The following MACROD2 variants were observed in gnomAD, a reference collection of about 807,000 sequenced individuals.
MACROD2 encodes the protein mono-ADP ribosylhydrolase 2.
MACROD2 carries 36 observed loss-of-function variants against 70.4 expected under a neutral mutation model. The ratio of observed to expected loss-of-function variants is 0.51; its 90% CI spans 0.39 to 0.68. MACROD2 has a LOEUF of 0.68. Ranked by LOEUF, MACROD2 falls within the 30% of genes least tolerant of loss-of-function variation. The pLI, the probability that MACROD2 is intolerant of heterozygous loss-of-function variation, is 0.00. For synonymous variants in MACROD2, 172 were observed against 178.8 expected (o/e 0.96, Z 0.30); for missense variants, 496 against 538.4 (o/e 0.92, Z 0.78).
chr20:15,148,239 T>C (rs2076244684), intron 5 of MACROD2, among the ~76,000 whole-genome samples: 1 of 151,750 alleles, frequency 6.6e-6, no homozygotes, highest in Non-Finnish European at 1.5e-5. Flanking sequence ...TGGTAAGGGA[T>C]GACATTGTGG....
In MACROD2 at chr20:15,233,983, T is replaced by TATATATATATATA. The variant is rs2076984620; in HGVS notation, c.540+3922_540+3923insATATATATATATA. On this transcript the variant is annotated intron_variant, in intron 6 of 17. Coordinates refer to ENST00000684519, the MANE Select transcript of MACROD2 (RefSeq NM_001351661.2). ...AAAATTTATTTTTATATATATTTAT[T>TATATATATATATA]TATATATATATATATATATATATAT... Among the ~76,000 whole-genome samples the TATATATATATATA allele has an allele frequency of 4.5e-4, 20 of 43,992 alleles. 1 individual carries two copies. The highest frequency in any genetic ancestry group is 1.6e-3 in the African/African-American group (18 of 11,066). The allele number at this position is 43,992 out of a possible 152,430, so 28.9% of individuals were successfully genotyped here.
At chr20:15,715,981 A>T (rs1437748982) in intron 8 of MACROD2, among the ~76,000 whole-genome samples, 1 of 152,138 alleles carries the variant, frequency 6.6e-6, no homozygotes. Flanking sequence ...CTACCCCTTC[A>T]CAGTAGGTTG....
intron 3 of MACROD2, among the ~76,000 whole-genome samples, chr20:14,485,035 T>G (rs554522148): frequency 2.0e-5 from 3 of 152,304 alleles, no homozygotes; most frequent in East Asian, 1.9e-4. Flanking sequence ...TTGTTTTTTT[T>G]TGTGAAATCT....
At chr20:15,727,794 G>T (rs1183254597) in intron 8 of MACROD2, among the ~76,000 whole-genome samples, 1 of 151,932 alleles carries the variant, frequency 6.6e-6, no homozygotes, top group Admixed American at 6.6e-5. Context: ...AAACTTTGCT[G>T]AAGTTGATTA....
At chr20:16,022,098 T>A (rs2067010497) in intron 15 of MACROD2, among the ~76,000 whole-genome samples, 1 of 139,570 alleles carries the variant, frequency 7.2e-6, no homozygotes, top group Non-Finnish European at 1.5e-5. Context: ...TTGCCCAGGC[T>A]GGAGTGCAGT....
chr20:14,546,180 A>G (rs2085490042), intron 4 of MACROD2, among the ~76,000 whole-genome samples: 1 of 152,034 alleles, frequency 6.6e-6, no homozygotes, highest in African/African-American at 2.4e-5. Context: ...AACTGTTGAA[A>G]CTCTATGTAA....
rs568614710 is a variant in MACROD2 at position 15,325,067 on chromosome 20, G to A, written c.540+95006G>A. Among the ~76,000 whole-genome samples the A allele has an allele frequency of 8.7e-4, 131 of 150,626 alleles. 1 individual carries two copies. The highest frequency in any genetic ancestry group is 3.4e-3 in the Middle Eastern group (1 of 292). ...CTTCTGAGGTAGTAGCAGAGACAGG[G>A]TAGTCAGGGTAGACAGGGTAGAATG... On this transcript the variant is annotated intron_variant, in intron 6 of 17. Transcript: ENST00000684519.
intron 5 of MACROD2, among the ~76,000 whole-genome samples, chr20:14,864,437 T>C (rs1401090998): frequency 6.6e-6 from 1 of 152,140 alleles, no homozygotes; most frequent in African/African-American, 2.4e-5. Flanking sequence ...TTTTATACTG[T>C]AAAACTTTAA....
chr20:15,075,496 A>G (rs1334304587), intron 5 of MACROD2, among the ~76,000 whole-genome samples: 1 of 152,168 alleles, frequency 6.6e-6, no homozygotes. Context: ...GACAGACTTC[A>G]GGGCTGTTTA....
chr20:15,642,550 G>C (rs2049476327), intron 8 of MACROD2, among the ~76,000 whole-genome samples: 1 of 150,654 alleles, frequency 6.6e-6, no homozygotes, highest in Admixed American at 6.6e-5. Flanking sequence ...TTTGTGGTTA[G>C]AGTAACCTAA....
chr20:15,787,640 TA>T (rs1247061840), intron 8 of MACROD2, among the ~76,000 whole-genome samples: 13 of 152,336 alleles, frequency 8.5e-5, no homozygotes. Context: ...ATGATTTTGA[TA>T]TTTTTTTATG....
intron 4 of MACROD2, among the ~76,000 whole-genome samples, chr20:14,562,885 A>G (rs1979534009): frequency 6.6e-6 from 1 of 151,622 alleles, no homozygotes; most frequent in Non-Finnish European, 1.5e-5. Flanking sequence ...GGGATATGCT[A>G]GATTCTGGTT....
In MACROD2 at chr20:15,317,174, G is replaced by T. The variant is rs973948466; in HGVS notation, c.540+87113G>T. Among the ~76,000 whole-genome samples the T allele has an allele frequency of 3.9e-5, 6 of 151,920 alleles. No individual in the cohort carries two copies. The South Asian group carries it at 1.0e-3, about 26-fold the overall frequency. The stretch of plus-strand genomic sequence containing the variant: ...AAAACAATAAGCAAACTAAGCCCAA[G>T]GCTTGTATTAAAAAAGGAAATAATA... On this transcript the variant is annotated intron_variant, in intron 6 of 17. Coordinates refer to ENST00000684519, the MANE Select transcript of MACROD2 (RefSeq NM_001351661.2).
chr20:15,103,399 G>A (rs2075888209), intron 5 of MACROD2, among the ~76,000 whole-genome samples: 1 of 152,050 alleles, frequency 6.6e-6, no homozygotes, highest in Non-Finnish European at 1.5e-5. Flanking sequence ...ATCCCCAGTA[G>A]GTTGACCAGA....
intron 5 of MACROD2, among the ~76,000 whole-genome samples, chr20:14,688,644 C>A (rs1377605952): frequency 6.6e-6 from 1 of 152,146 alleles, no homozygotes; most frequent in Non-Finnish European, 1.5e-5. Context: ...ATCTTCTCTA[C>A]AATATTAGAT....
chr20:14,938,577 T>C (rs2074361309), intron 5 of MACROD2, among the ~76,000 whole-genome samples: 1 of 151,906 alleles, frequency 6.6e-6, no homozygotes, highest in South Asian at 2.1e-4. Context: ...GGCCAGGAGT[T>C]CAAGACCAGC....
chr20:14,841,929 G>C (rs1478764917), intron 5 of MACROD2, among the ~76,000 whole-genome samples: 1 of 152,006 alleles, frequency 6.6e-6, no homozygotes, highest in Non-Finnish European at 1.5e-5. Context: ...GACATTCTTA[G>C]TGATTTTTTT....
intron 5 of MACROD2, among the ~76,000 whole-genome samples, chr20:14,834,951 T>C (rs75874475): frequency 0.032 from 4,814 of 152,116 alleles, 118 homozygotes; most frequent in Middle Eastern, 0.045. Flanking sequence ...TATACATATA[T>C]AGACTCTCTA....
chr20:15,111,072 G>T (rs1237434663), intron 5 of MACROD2, among the ~76,000 whole-genome samples: 1 of 152,026 alleles, frequency 6.6e-6, no homozygotes, highest in African/African-American at 2.4e-5. Flanking sequence ...CTTTCTCAAA[G>T]TCACTTGGCA....
Sources: gnomAD v4.1 joint callset for allele counts (sites outside exome capture counted in the v4.1 genomes callset) on GRCh38, gnomAD v4.1.1 for gene constraint, MANE v1.5 for transcripts, NCBI Gene and HGNC (gene_info 2026-07-23, HGNC 2026-07-21) for gene names.